The following RAB18 variants were observed in gnomAD, a reference collection of about 807,000 sequenced individuals.
RAB18 encodes the protein RAB18, member RAS oncogene family, also known as ras-related protein Rab-18.
A neutral mutation model predicts 28.5 loss-of-function variants in RAB18; 10 were observed. The observed-to-expected ratio is 0.35, with a 90% CI of 0.22 to 0.60. The LOEUF (loss-of-function observed/expected upper bound fraction) is 0.60, where lower values mean the gene tolerates loss of function less well. Ranked by LOEUF, RAB18 falls within the 20% of genes least tolerant of loss-of-function variation. The pLI is 0.78. For missense variants in RAB18, 188 were observed against 244.2 expected (o/e 0.77, Z 1.53); for synonymous variants, 93 against 86.9 (o/e 1.07, Z -0.39).
chr10:27,508,105 C>G (rs923110984), intron 1 of RAB18, among the ~76,000 whole-genome samples: 3 of 151,550 alleles, frequency 2.0e-5, no homozygotes, highest in Non-Finnish European at 4.4e-5. Context: ...GACTCTCTGT[C>G]CCTTTCAAAG....
intron 1 of RAB18, 172 bp downstream of exon 1, chr10:27,504,609 C>T (rs898572669): frequency 4.9e-6 from 4 of 811,778 alleles, no homozygotes; most frequent in Non-Finnish European, 8.5e-6. Context: ...TTGCTTTCCT[C>T]TCCCCACCCG....
chr10:27,509,741 G>A, intron 1 of RAB18, 134 bp from the exon 2 acceptor site: 1 of 745,100 alleles, frequency 1.3e-6, no homozygotes, highest in Non-Finnish European at 2.4e-6. Context: ...CTCTGAGGCA[G>A]TATTCCTAGG....
intron 3 of RAB18, among the ~76,000 whole-genome samples, chr10:27,532,125 T>TAA (rs61705821): frequency 1.6e-4 from 24 of 145,834 alleles, no homozygotes; most frequent in Admixed American, 1.0e-3. Context: ...TGGTAAGATT[T>TAA]AAAAAAAAAA....
chr10:27,527,926 T>C (rs1400630705), intron 3 of RAB18, among the ~76,000 whole-genome samples: 1 of 152,134 alleles, frequency 6.6e-6, no homozygotes, highest in East Asian at 1.9e-4. Context: ...TACTTTAAAT[T>C]TGTTAACCTG....
chr10:27,528,398 C>T lies in RAB18; in HGVS notation c.186+1509C>T, dbSNP rs1016806084. 3.8e-5 allele frequency: 17 copies of T among 450,262 alleles called. 2 individuals are homozygous for T. Among genetic ancestry groups the T allele is most frequent in the South Asian group, 2.4e-4 (15 of 63,756 alleles). The allele number at this position is 450,262 out of a possible 1,614,324, so 27.9% of individuals were successfully genotyped here. ...AGACAATAAGAAGAGCAGAGAAGAA[C>T]ATCTATAAAAGTATACCACTGAATA... On this transcript the variant is annotated intron_variant, in intron 3 of 6. Transcript: ENST00000356940.
intron 1 of RAB18, 37 bp downstream of exon 1, chr10:27,504,474 G>A: frequency 6.4e-7 from 1 of 1,550,618 alleles, no homozygotes; most frequent in Non-Finnish European, 8.7e-7. Flanking sequence ...AGGGTGGCTG[G>A]GCTCTTTCTG....
intron 2 of RAB18, chr10:27,510,629 T>C (rs1210660638): frequency 6.6e-6 from 1 of 152,376 alleles, no homozygotes; most frequent in East Asian, 1.9e-4. Flanking sequence ...AGCTAGATAA[T>C]AGTCTTGGTT....
At chr10:27,518,268 T>TG (rs1040815246) in intron 2 of RAB18, among the ~76,000 whole-genome samples, 2 of 152,186 alleles carry the variant, frequency 1.3e-5, no homozygotes, top group African/African-American at 4.8e-5. Context: ...ATGGAATTGG[T>TG]GGGTCATATG....
chr10:27,529,346 C>T (rs188387554), intron 3 of RAB18, among the ~76,000 whole-genome samples: 5 of 151,938 alleles, frequency 3.3e-5, no homozygotes, highest in African/African-American at 1.2e-4. Flanking sequence ...TTTAGGAAGG[C>T]GTTTCCTCTG....
rs1834934819 is a variant in RAB18, at chr10:27,537,960, A to G, written c.530A>G (p.Glu177Gly). The G allele has an allele frequency of 1.2e-6, 2 of 1,614,028 alleles. No homozygotes were observed. The highest frequency in any genetic ancestry group is 1.7e-6 in the Non-Finnish European group (2 of 1,180,010). The change falls in exon 7 of 7, where the codon GAA becomes GGA. Residue 177 changes from glutamate to glycine, a missense_variant. Transcript: ENST00000356940. ...EKIIQTPGLWESENQNKGVKL... is the reference protein window; with the variant it reads ...EKIIQTPGLWGSENQNKGVKL... ...ATCATTCAGACCCCTGGACTGTGGG[A>G]AAGTGAGAACCAGAATAAAGGAGTC... is the stretch of plus-strand genomic sequence containing the variant.
intron 2 of RAB18, among the ~76,000 whole-genome samples, chr10:27,520,293 A>G (rs1834519970): frequency 6.6e-6 from 1 of 151,852 alleles, no homozygotes; most frequent in African/African-American, 2.4e-5. Flanking sequence ...GTATTCTCTT[A>G]TGATCCTTTT....
At chr10:27,514,832 C>T (rs185978048) in intron 2 of RAB18, among the ~76,000 whole-genome samples, 5 of 151,752 alleles carry the variant, frequency 3.3e-5, no homozygotes, top group African/African-American at 1.2e-4. Flanking sequence ...TGCAGTGGCA[C>T]AAACATAGCT....
chr10:27,535,597 A>G (rs1029834009), intron 6 of RAB18, among the ~76,000 whole-genome samples: 2 of 152,190 alleles, frequency 1.3e-5, no homozygotes, highest in Non-Finnish European at 2.9e-5. Flanking sequence ...TACTCTAAAA[A>G]GATCCTGTTG....
intron 1 of RAB18, among the ~76,000 whole-genome samples, chr10:27,508,489 T>A (rs1477386010): frequency 6.6e-6 from 1 of 152,222 alleles, no homozygotes; most frequent in Admixed American, 6.5e-5. Flanking sequence ...GTAGATATTA[T>A]GTATCTTTTC....
chr10:27,516,525 T>C (rs1461409805), intron 2 of RAB18, among the ~76,000 whole-genome samples: 2 of 150,000 alleles, frequency 1.3e-5, no homozygotes, highest in Admixed American at 1.3e-4. Context: ...ACCACTGCAC[T>C]CCAGCCTGGG....
intron 2 of RAB18, among the ~76,000 whole-genome samples, chr10:27,522,947 T>A (rs2763310): frequency 0.97 from 147,173 of 152,040 alleles, 71,392 homozygotes; most frequent in East Asian, 1. Flanking sequence ...TGGTTTTCTT[T>A]TAGAAGCAAC....
chr10:27,535,422 G>T (rs1834873891), intron 6 of RAB18, among the ~76,000 whole-genome samples: 1 of 152,166 alleles, frequency 6.6e-6, no homozygotes, highest in Non-Finnish European at 1.5e-5. Flanking sequence ...ATTTCCTGAG[G>T]TGGGAATCAG....
intron 3 of RAB18, among the ~76,000 whole-genome samples, chr10:27,527,348 G>A (rs1031638489): frequency 3.3e-5 from 5 of 151,966 alleles, no homozygotes; most frequent in Non-Finnish European, 7.4e-5. Flanking sequence ...TTAATGCCTC[G>A]TTTTTCCTTA....
At chr10:27,531,522 T>C (rs1455481422) in intron 3 of RAB18, 2 of 1,533,290 alleles carry the variant, frequency 1.3e-6, no homozygotes, top group Non-Finnish European at 1.8e-6. Flanking sequence ...CTTTTACTTT[T>C]CTTTAGGTTA....
Sources: gnomAD v4.1 joint callset for allele counts (sites outside exome capture counted in the v4.1 genomes callset) on GRCh38, gnomAD v4.1.1 for gene constraint, MANE v1.5 for transcripts, NCBI Gene and HGNC (gene_info 2026-07-23, HGNC 2026-07-21) for gene names.